The following SETX variants were observed in gnomAD, a reference collection of about 807,000 sequenced individuals.
The protein encoded by SETX is helicase senataxin.
A neutral mutation model predicts 227.2 loss-of-function variants in SETX; 90 were observed. That is an observed-to-expected ratio of 0.40 (90% confidence interval 0.33 to 0.47). SETX has a LOEUF of 0.47. SETX is among the 20% of genes least tolerant of loss of function. The pLI is 0.91. For synonymous variants in SETX, 1,210 were observed against 1,113.2 expected, an observed-to-expected ratio of 1.09 and a Z score of -1.73; for missense variants, 3,052 against 3,181.5, an observed-to-expected ratio of 0.96 and a Z score of 0.98.
intron 10 of SETX, among the ~76,000 whole-genome samples, chr9:132,321,654 CAA>C (rs57108934): frequency 3.9e-5 from 2 of 51,422 alleles, no homozygotes; most frequent in African/African-American, 9.6e-5. Flanking sequence ...GATACTGTCT[CAA>C]AAAAAAAAAA....
Position 132,264,354 on chromosome 9 carries a change from T to C in SETX, c.7919A>G (p.Glu2640Gly). 1 of 1,614,200 alleles carries C rather than the reference T, an allele frequency of 6.2e-7. No individual in the cohort carries two copies. Among genetic ancestry groups the C allele is most frequent in the Middle Eastern group, 1.6e-4 (1 of 6,062 alleles). The change falls in exon 26 of 26, where the codon GAA becomes GGA. Residue 2640 changes from glutamate (E) to glycine (G), a missense_variant. Transcript: ENST00000224140. ...GGAACCACACTTCTCCTGCTCCCCT[T>C]CACTGAAAGCCCTGGCCTCTCTCCT... ...CHRREARAFS[E>G]GEQEKCGSET...
Position 132,300,722 on chromosome 9 carries a change from T to C in SETX, c.5456A>G (p.Asn1819Ser). 6.2e-7 allele frequency: 1 copy of C among 1,613,784 alleles called. No homozygotes were observed. Among genetic ancestry groups the C allele is most frequent in the Non-Finnish European group, 8.5e-7 (1 of 1,179,886 alleles). ...DLVFLAPERI[N>S]EEKKDTERND... is the part of the protein sequence containing the mutation. ...TCTCTCTGTATCTTTCTTCTCTTCA[T>C]TTATTCTCTCAGGAGCTAAAAACAC... Residue 1819 changes from asparagine (N) to serine (S), a missense_variant, in exon 12 of 26, where the codon AAT becomes AGT. Physicochemically the swap from Asn to Ser is conservative, Grantham distance 46. Coordinates refer to ENST00000224140, the MANE Select transcript of SETX (RefSeq NM_015046.7).
At chr9:132,268,477 G>A (rs1285104008) in intron 25 of SETX, among the ~76,000 whole-genome samples, 1 of 152,170 alleles carries the variant, frequency 6.6e-6, no homozygotes, top group Non-Finnish European at 1.5e-5. Flanking sequence ...CTCCCGCCAG[G>A]GGAAAACAAC....
chr9:132,271,944 G>A lies in SETX; in HGVS notation c.7101-136C>T, dbSNP rs538379661. ...GTCGCCCAGGCTGGAGTGCAGTGGC[G>A]CGATCTCAGTTCACTGCAAGCTCTG... On this transcript the variant is annotated intron_variant, in intron 23 of 25. Coordinates refer to ENST00000224140, the MANE Select transcript of SETX (RefSeq NM_015046.7). The A allele has an allele frequency of 2.1e-4, 136 of 638,046 alleles. 1 individual carries two copies. The highest frequency in any genetic ancestry group is 3.2e-4 in the Non-Finnish European group (121 of 374,316). 39.5% of individuals were successfully genotyped at this position (638,046 alleles called of 1,614,324 possible).
In SETX at chr9:132,278,170, T is replaced by C; in HGVS notation, c.6742A>G (p.Arg2248Gly). 3.7e-6 allele frequency: 6 copies of C among 1,614,200 alleles called. No individual in the cohort carries two copies. Among genetic ancestry groups the C allele is most frequent in the Non-Finnish European group, 5.1e-6 (6 of 1,180,024 alleles). The change falls in exon 21 of 26, where the codon AGG (arginine) becomes GGG (glycine). Residue 2248 changes from arginine (R) to glycine (G), a missense_variant. Physicochemically the swap from Arg to Gly is moderately radical, Grantham distance 125. This residue lies in a region of SETX where 412 missense variants were observed against 589.0 expected (regional missense o/e 0.70). Coordinates refer to ENST00000224140, the MANE Select transcript of SETX (RefSeq NM_015046.7). The part of the protein sequence containing the change: ...EENVEHNMIS[R>G]LPILQLTVQY... The stretch of plus-strand genomic sequence containing the variant: ...ACAGTGAGCTGTAGAATGGGCAGCC[T>C]GCTGATCATGTTGTGTTCTACATTC...
At chr9:132,273,667 G>A (rs1843004972) in intron 23 of SETX, among the ~76,000 whole-genome samples, 1 of 152,042 alleles carries the variant, frequency 6.6e-6, no homozygotes, top group Non-Finnish European at 1.5e-5. Flanking sequence ...CTTGTATCCT[G>A]CTAAGCTTAT....
chr9:132,300,517 A>C, intron 12 of SETX, 113 bp downstream of exon 12: 3 of 1,240,896 alleles, frequency 2.4e-6, no homozygotes, highest in Non-Finnish European at 3.5e-6. Flanking sequence ...CAACATAGCA[A>C]AAACATGTTC....
chr9:132,342,623 G>T, intron 5 of SETX, 67 bp downstream of exon 5: 1 of 1,120,132 alleles, frequency 8.9e-7, no homozygotes, highest in Non-Finnish European at 1.4e-6. Context: ...ACCAAAAACC[G>T]CTATTATAGC....
chr9:132,296,173 C>T, intron 14 of SETX, 145 bp from the exon 15 acceptor site: 2 of 1,015,692 alleles, frequency 2.0e-6, no homozygotes, highest in Non-Finnish European at 1.5e-6. Context: ...GCATCTACAT[C>T]TAACACTGAT....
chr9:132,274,739 C>T (rs1157555071), intron 23 of SETX, among the ~76,000 whole-genome samples: 1 of 152,064 alleles, frequency 6.6e-6, no homozygotes, highest in Admixed American at 6.6e-5. Context: ...AGCCACCACA[C>T]CCAGCCTACA....
At position 132,281,541 on chromosome 9, in the gene SETX, G is replaced by A; in HGVS notation, c.6580C>T (p.Pro2194Ser). 6.2e-7 allele frequency: 1 copy of A among 1,613,954 alleles called. No individual in the cohort carries two copies. The change falls in exon 20 of 26, where the codon CCA (proline) becomes TCA (serine). Residue 2194 changes from proline (P) to serine (S), a missense_variant. Transcript: ENST00000224140. ...AGCTTATTGCAGCGATGGATGAGTG[G>A]AGTAAGAGTCTCAATTTCACAAGAC... ...GQSCEIETLT[P>S]LIHRCNKLIL... is the part of the protein sequence containing the mutation.
chr9:132,324,713 TG>T (rs1249082082), intron 10 of SETX, among the ~76,000 whole-genome samples: 2 of 152,198 alleles, frequency 1.3e-5, no homozygotes. Flanking sequence ...CTCCCATGCT[TG>T]TAAGAGCACT....
chr9:132,336,835 G>A (rs1230779114), intron 5 of SETX, among the ~76,000 whole-genome samples: 3 of 152,030 alleles, frequency 2.0e-5, no homozygotes, highest in Non-Finnish European at 2.9e-5. Flanking sequence ...AGGCTGAGGC[G>A]GGCAGATCAC....
intron 2 of SETX, among the ~76,000 whole-genome samples, chr9:132,351,850 T>C (rs1848621611): frequency 6.6e-6 from 1 of 152,214 alleles, no homozygotes; most frequent in African/African-American, 2.4e-5. Flanking sequence ...GAATGACAAA[T>C]GGGTGTGTCC....
At chr9:132,266,746 T>TG (rs1264978117) in intron 25 of SETX, among the ~76,000 whole-genome samples, 1 of 152,102 alleles carries the variant, frequency 6.6e-6, no homozygotes, top group Non-Finnish European at 1.5e-5. Context: ...CACTCCAGCC[T>TG]GGGCAACAAG....
At chr9:132,268,153 T>A (rs2131130872) in intron 25 of SETX, among the ~76,000 whole-genome samples, 1 of 152,334 alleles carries the variant, frequency 6.6e-6, no homozygotes, top group African/African-American at 2.4e-5. Context: ...AAGCAATTTT[T>A]AAAAATCCAA....
At chr9:132,288,982 T>C (rs919422147) in intron 15 of SETX, among the ~76,000 whole-genome samples, 4 of 152,152 alleles carry the variant, frequency 2.6e-5, no homozygotes, top group Admixed American at 1.3e-4. Context: ...AGCAAAATAG[T>C]TTCAAGAAAA....
At chr9:132,292,012 C>T (rs944628217) in intron 15 of SETX, among the ~76,000 whole-genome samples, 3 of 151,922 alleles carry the variant, frequency 2.0e-5, no homozygotes, top group African/African-American at 7.3e-5. Flanking sequence ...AATTTAATTC[C>T]ATCTATTAAT....
At chr9:132,339,646 CTT>C (rs1847843770) in intron 5 of SETX, among the ~76,000 whole-genome samples, 1 of 152,060 alleles carries the variant, frequency 6.6e-6, no homozygotes, top group Non-Finnish European at 1.5e-5. Flanking sequence ...GAGTTTTGCT[CTT>C]GTTGCCCAGG....
Sources: gnomAD v4.1 joint callset for allele counts (sites outside exome capture counted in the v4.1 genomes callset) on GRCh38, gnomAD v4.1.1 for gene constraint, gnomAD v4.1.1 regional missense constraint, MANE v1.5 for transcripts, NCBI Gene and HGNC (gene_info 2026-07-23, HGNC 2026-07-21) for gene names.